Variants in PDE4D observed in about 807,000 individuals in gnomAD.
PDE4D encodes the protein phosphodiesterase 4D.
In PDE4D, 24 loss-of-function variants were observed where a neutral mutation model predicts 87.4. That is an observed-to-expected ratio of 0.27 (90% CI 0.20 to 0.39). The LOEUF (loss-of-function observed/expected upper bound fraction) is 0.39, where lower values mean the gene tolerates loss of function less well. Ranked by LOEUF, PDE4D falls within the 10% of genes least tolerant of loss-of-function variation. PDE4D has a pLI of 1.00. For synonymous variants in PDE4D, 384 were observed against 383.2 expected, an observed-to-expected ratio of 1.00 and a Z score of -0.02; for missense variants, 714 against 1,041.0, an observed-to-expected ratio of 0.69 and a Z score of 4.32.
chr5:59,782,425 G>A (rs184072440), intron 1 of PDE4D, among the ~76,000 whole-genome samples: 19 of 152,212 alleles, frequency 1.2e-4, no homozygotes, highest in South Asian at 4.1e-4. Flanking sequence ...ATAATTCCCC[G>A]TAAAAGATAC....
At chr5:60,201,166 C>A (rs1470027744) in intron 1 of PDE4D, among the ~76,000 whole-genome samples, 1 of 139,780 alleles carries the variant, frequency 7.2e-6, no homozygotes, top group Admixed American at 7.1e-5. Flanking sequence ...TATAGGAAGA[C>A]CACAGGATTC....
chr5:59,315,866 A>G (rs1003310113), intron 1 of PDE4D, among the ~76,000 whole-genome samples: 1 of 152,196 alleles, frequency 6.6e-6, no homozygotes, highest in African/African-American at 2.4e-5. Context: ...CGCGGCGATT[A>G]GCCAACAGCT....
intron 1 of PDE4D, among the ~76,000 whole-genome samples, chr5:59,632,476 C>T (rs1207978901): frequency 1.3e-5 from 2 of 152,226 alleles, no homozygotes; most frequent in East Asian, 1.9e-4. Flanking sequence ...GGTTGACAGA[C>T]ACTTCATACA....
Position 60,166,668 on chromosome 5 carries a change from A to G in PDE4D, c.42+18889T>C, listed in dbSNP as rs374000691. 3.0e-4 allele frequency among the ~76,000 whole-genome samples: 46 copies of G among 152,320 alleles called. No individual in the cohort carries two copies. The East Asian group carries it at 7.5e-3, about 25-fold the overall frequency. On this transcript the variant is annotated intron_variant, in intron 2 of 16. Coordinates refer to the PDE4D transcript ENST00000502484. ...TAGATGTTTTGTGTTACTAGCATTAACACATGTTTTTGTATTATTAGCATT... is the reference window on the plus strand; with the variant it reads ...TAGATGTTTTGTGTTACTAGCATTAGCACATGTTTTTGTATTATTAGCATT...
At chr5:59,350,188 T>C (rs1006133534) in intron 1 of PDE4D, among the ~76,000 whole-genome samples, 4 of 152,180 alleles carry the variant, frequency 2.6e-5, no homozygotes, top group Non-Finnish European at 5.9e-5. Flanking sequence ...AAACCTGTCC[T>C]TCCATGGTCA....
chr5:60,117,678 T>G (rs931424684), intron 2 of PDE4D, among the ~76,000 whole-genome samples: 3 of 152,126 alleles, frequency 2.0e-5, no homozygotes, highest in African/African-American at 7.2e-5. Flanking sequence ...CTCGCCATCT[T>G]GAATAGTTAC....
At chr5:60,309,283 T>C (rs940141581) in intron 1 of PDE4D, among the ~76,000 whole-genome samples, 1 of 152,084 alleles carries the variant, frequency 6.6e-6, no homozygotes, top group East Asian at 1.9e-4. Context: ...AAATTCAGAT[T>C]ACAATGAATT....
At chr5:59,796,840 A>C (rs1766538226) in intron 1 of PDE4D, among the ~76,000 whole-genome samples, 1 of 152,072 alleles carries the variant, frequency 6.6e-6, no homozygotes, top group African/African-American at 2.4e-5. Flanking sequence ...ATATCCCACT[A>C]AGCTATCTAG....
intron 2 of PDE4D, among the ~76,000 whole-genome samples, chr5:60,155,781 C>T (rs551555679): frequency 5.4e-5 from 8 of 149,130 alleles, no homozygotes; most frequent in South Asian, 2.1e-4. Context: ...CAGAGGCCTT[C>T]GACTTCTAAA....
At chr5:59,942,648 A>G (rs1487642004) in intron 3 of PDE4D, among the ~76,000 whole-genome samples, 1 of 152,162 alleles carries the variant, frequency 6.6e-6, no homozygotes, top group Admixed American at 6.5e-5. Flanking sequence ...TGCAATATTC[A>G]TTACATTTAG....
intron 1 of PDE4D, among the ~76,000 whole-genome samples, chr5:60,271,344 G>T (rs1167093453): frequency 1.3e-5 from 2 of 152,006 alleles, no homozygotes; most frequent in Non-Finnish European, 2.9e-5. Flanking sequence ...AGTCCAATTT[G>T]GTTATATTTT....
chr5:60,266,009 A>G (rs529127863), intron 1 of PDE4D, among the ~76,000 whole-genome samples: 1 of 152,268 alleles, frequency 6.6e-6, no homozygotes, highest in South Asian at 2.1e-4. Flanking sequence ...GCTTGGGAGA[A>G]GCAGCTGTCC....
At chr5:60,411,010 C>T (rs1356787222) in intron 1 of PDE4D, among the ~76,000 whole-genome samples, 5 of 152,184 alleles carry the variant, frequency 3.3e-5, no homozygotes, top group Non-Finnish European at 7.3e-5. Flanking sequence ...GCATACTTTT[C>T]CCCAGGTCAG....
At chr5:59,879,368 G>A (rs764606956) in intron 1 of PDE4D, among the ~76,000 whole-genome samples, 1 of 152,092 alleles carries the variant, frequency 6.6e-6, no homozygotes, top group Non-Finnish European at 1.5e-5. Context: ...CCGGAACTCC[G>A]TATATATTGA....
At chr5:59,922,243 G>T (rs988211496) in intron 3 of PDE4D, among the ~76,000 whole-genome samples, 1 of 152,146 alleles carries the variant, frequency 6.6e-6, no homozygotes, top group Non-Finnish European at 1.5e-5. Context: ...AAGTGTTCTG[G>T]GGTACTAAAT....
At chr5:59,297,360 C>G (rs1464742154) in intron 1 of PDE4D, among the ~76,000 whole-genome samples, 1 of 152,108 alleles carries the variant, frequency 6.6e-6, no homozygotes, top group Non-Finnish European at 1.5e-5. Context: ...AATCTACTAT[C>G]TATTTAGAAT....
At chr5:59,688,149 G>A (rs1016166714) in intron 1 of PDE4D, among the ~76,000 whole-genome samples, 4 of 151,846 alleles carry the variant, frequency 2.6e-5, no homozygotes, top group South Asian at 2.1e-4. Context: ...TGTCAACATC[G>A]GATAGATCAA....
rs577243173 is a variant in PDE4D, at chr5:59,397,041, AAT to A, written c.456-181075_456-181074del. Reference sequence around the variant, plus strand: ...TCAACAAGAAGAGCTAACTATCCTAAATATATATGCACCTGCAGGAGCACCCA... The same window carrying A: ...TCAACAAGAAGAGCTAACTATCCTAAATATATGCACCTGCAGGAGCACCCA... On this transcript the variant is annotated intron_variant, in intron 1 of 14. Coordinates refer to ENST00000340635, the MANE Select transcript of PDE4D (RefSeq NM_001104631.2). Among the ~76,000 whole-genome samples, 441 of 127,706 alleles carry A rather than the reference AAT, an allele frequency of 3.5e-3. 5 individuals carry two copies. The highest frequency in any genetic ancestry group is 0.013 in the African/African-American group (426 of 31,876). 83.8% of individuals were successfully genotyped at this position (127,706 alleles called of 152,430 possible). A position where few individuals can be genotyped will look rare whatever the true frequency, so the allele number is the denominator to read the frequency against.
chr5:60,038,483 T>C (rs1041173558), intron 2 of PDE4D, among the ~76,000 whole-genome samples: 1 of 152,084 alleles, frequency 6.6e-6, no homozygotes, highest in African/African-American at 2.4e-5. Flanking sequence ...CACTGATCTA[T>C]ATCTCTGTTT....
Sources: gnomAD v4.1 joint callset for allele counts (sites outside exome capture counted in the v4.1 genomes callset) on GRCh38, gnomAD v4.1.1 for gene constraint, MANE v1.5 for transcripts, NCBI Gene and HGNC (gene_info 2026-07-23, HGNC 2026-07-21) for gene names.